DLG2: variants seen among roughly 807,000 people sequenced by gnomAD.
The protein encoded by DLG2 is discs large MAGUK scaffold protein 2.
A neutral mutation model predicts 132.5 loss-of-function variants in DLG2; 45 were observed. The observed-to-expected ratio is 0.34, with a 90% CI of 0.27 to 0.44. DLG2 has a LOEUF of 0.44. Among genes scored for constraint, DLG2 ranks in the 20% least tolerant of loss-of-function variants. The probability of loss-of-function intolerance (pLI) is 1.00; values close to 1 mark genes in which losing one functional copy is unlikely to be tolerated. For synonymous variants in DLG2, 424 were observed against 419.6 expected, an observed-to-expected ratio of 1.01 and a Z score of -0.13; for missense variants, 1,045 against 1,196.9, an observed-to-expected ratio of 0.87 and a Z score of 1.87.
At chr11:85,156,695 T>C (rs1483948949) in intron 4 of DLG2, among the ~76,000 whole-genome samples, 2 of 152,164 alleles carry the variant, frequency 1.3e-5, no homozygotes, top group South Asian at 2.1e-4. Flanking sequence ...ACTGTCACCA[T>C]TGCTAATTGG....
chr11:83,868,148 G>T (rs148449509), intron 16 of DLG2, among the ~76,000 whole-genome samples: 1 of 152,084 alleles, frequency 6.6e-6, no homozygotes, highest in South Asian at 2.1e-4. Flanking sequence ...GAATCCCCTC[G>T]TTTTTAAACT....
chr11:84,721,089 G>T (rs1330405808), intron 6 of DLG2, among the ~76,000 whole-genome samples: 1 of 152,096 alleles, frequency 6.6e-6, no homozygotes, highest in Non-Finnish European at 1.5e-5. Context: ...GACTGCATTT[G>T]GCCCCCACCG....
intron 4 of DLG2, among the ~76,000 whole-genome samples, chr11:85,184,348 CT>C (rs532066686): frequency 0.035 from 4,957 of 141,282 alleles, 88 homozygotes; most frequent in Admixed American, 0.051. Flanking sequence ...AGAGATTTTC[CT>C]TTTTTTTTTT....
At chr11:85,070,758 T>G (rs1442388854) in intron 6 of DLG2, among the ~76,000 whole-genome samples, 2 of 151,830 alleles carry the variant, frequency 1.3e-5, no homozygotes, top group African/African-American at 4.8e-5. Flanking sequence ...TCTCCCACCT[T>G]TTTCACAGAG....
chr11:83,838,732 T>C (rs2056853603), intron 16 of DLG2, among the ~76,000 whole-genome samples: 1 of 151,798 alleles, frequency 6.6e-6, no homozygotes, highest in African/African-American at 2.4e-5. Flanking sequence ...TTTAGAAGGG[T>C]CATTCATGCT....
At chr11:83,573,054 T>C (rs193234084) in intron 19 of DLG2, among the ~76,000 whole-genome samples, 2 of 152,348 alleles carry the variant, frequency 1.3e-5, no homozygotes, top group East Asian at 3.8e-4. Context: ...GAAAACAATA[T>C]GCTTTTTTAC....
chr11:83,726,436 G>A (rs76231551), intron 18 of DLG2, among the ~76,000 whole-genome samples: 10,132 of 152,106 alleles, frequency 0.067, 1,181 homozygotes, highest in African/African-American at 0.23. Flanking sequence ...TAGGAGAAAA[G>A]TTTTTTAAAA....
chr11:85,465,967 G>A lies in DLG2; in HGVS notation c.40+132690C>T, dbSNP rs200842751. Among the ~76,000 whole-genome samples the A allele has an allele frequency of 9.9e-5, 15 of 152,170 alleles. No individual in the cohort carries two copies. In the East Asian group the frequency reaches 2.3e-3, roughly 23 times the overall value. ...TTTCTCCACATCCTCTCCAGCACCT[G>A]TTGTTTCCTGACTTTTTAATGATTG... On this transcript the variant is annotated intron_variant, in intron 3 of 27. Coordinates refer to ENST00000376104, the MANE Select transcript of DLG2 (RefSeq NM_001142699.3).
intron 6 of DLG2, among the ~76,000 whole-genome samples, chr11:84,701,916 C>T (rs1006835730): frequency 6.6e-6 from 1 of 151,436 alleles, no homozygotes; most frequent in Non-Finnish European, 1.5e-5. Flanking sequence ...TCTATGTTTC[C>T]CCCTTTCTGT....
In DLG2 at chr11:85,075,949, T is replaced by TACAGGA. The variant is rs897699383; in HGVS notation, c.357+35706_357+35711dup. On this transcript the variant is annotated intron_variant, in intron 6 of 27. Transcript: ENST00000376104. ...TGAAATAAAAATTATACAAGGGGGA[T>TACAGGA]ACAGGAACAGGAACAGCAACACGCC... is the stretch of plus-strand genomic sequence containing the variant. 4.6e-5 allele frequency among the ~76,000 whole-genome samples: 7 copies of TACAGGA among 152,020 alleles called. No homozygotes were observed. In the East Asian group the frequency reaches 7.8e-4, roughly 17 times the overall value.
chr11:84,106,541 C>T (rs1185840703), intron 9 of DLG2, among the ~76,000 whole-genome samples: 1 of 152,112 alleles, frequency 6.6e-6, no homozygotes, highest in Non-Finnish European at 1.5e-5. Context: ...GCCCTTTTCA[C>T]AATTATACAA....
intron 6 of DLG2, among the ~76,000 whole-genome samples, chr11:84,805,141 C>T (rs1038517683): frequency 6.6e-6 from 1 of 152,114 alleles, no homozygotes; most frequent in Non-Finnish European, 1.5e-5. Flanking sequence ...TGTATTACTA[C>T]CCCTTCCAGC....
At chr11:85,284,296 C>G (rs759522276) in intron 4 of DLG2, among the ~76,000 whole-genome samples, 1 of 150,788 alleles carries the variant, frequency 6.6e-6, no homozygotes, top group Non-Finnish European at 1.5e-5. Flanking sequence ...TTTTAAGTGA[C>G]TAGGGTGATA....
intron 20 of DLG2, among the ~76,000 whole-genome samples, chr11:83,534,740 C>G (rs2095841295): frequency 6.6e-6 from 1 of 152,110 alleles, no homozygotes; most frequent in Non-Finnish European, 1.5e-5. Context: ...AGTTCGAGAC[C>G]CGCCTGGCCA....
chr11:84,636,171 T>C (rs1460026081), intron 6 of DLG2, among the ~76,000 whole-genome samples: 10 of 152,198 alleles, frequency 6.6e-5, no homozygotes, highest in Admixed American at 6.5e-4. Context: ...AACAAATGTA[T>C]AGTCACAGAA....
At chr11:84,385,620 C>T (rs1349445141) in intron 7 of DLG2, among the ~76,000 whole-genome samples, 1 of 152,008 alleles carries the variant, frequency 6.6e-6, no homozygotes, top group African/African-American at 2.4e-5. Context: ...GAACCAGGAC[C>T]CTGTTGTAGT....
At chr11:83,676,102 C>T (rs1030815178) in intron 18 of DLG2, among the ~76,000 whole-genome samples, 1 of 152,136 alleles carries the variant, frequency 6.6e-6, no homozygotes, top group Non-Finnish European at 1.5e-5. Context: ...TGTCTTTATC[C>T]TACCTAAGCT....
At chr11:84,238,538 A>T (rs1324250771) in intron 8 of DLG2, among the ~76,000 whole-genome samples, 1 of 151,994 alleles carries the variant, frequency 6.6e-6, no homozygotes, top group Non-Finnish European at 1.5e-5. Context: ...AAAAGAAAAA[A>T]AAAAAAGCCA....
At chr11:84,451,069 C>T (rs1330245209) in intron 7 of DLG2, among the ~76,000 whole-genome samples, 1 of 151,674 alleles carries the variant, frequency 6.6e-6, no homozygotes, top group African/African-American at 2.4e-5. Context: ...AATTTGACTG[C>T]TGCTTTATAG....
Sources: allele counts gnomAD v4.1 joint callset (sites outside exome capture counted in the v4.1 genomes callset), GRCh38; gene constraint gnomAD v4.1.1; transcripts MANE v1.5; gene names NCBI Gene and HGNC (gene_info 2026-07-23, HGNC 2026-07-21).